The following ZFPM2 variants were observed in gnomAD, a reference collection of about 807,000 sequenced individuals.
ZFPM2 encodes zinc finger protein, FOG family member 2.
Under a neutral mutation model 98.6 loss-of-function variants are expected in ZFPM2, and 20 were observed. The observed-to-expected ratio is 0.20, with a 90% CI of 0.14 to 0.29. The LOEUF (loss-of-function observed/expected upper bound fraction) is 0.29. Ranked by LOEUF, ZFPM2 falls within the 10% of genes least tolerant of loss-of-function variation. The pLI is 1.00. For synonymous variants in ZFPM2, 518 were observed against 502.7 expected (o/e 1.03, Z -0.41); for missense variants, 1,310 against 1,388.6 (o/e 0.94, Z 0.90).
intron 5 of ZFPM2, among the ~76,000 whole-genome samples, chr8:105,756,421 C>G (rs1188541127): frequency 1.3e-5 from 2 of 152,150 alleles, no homozygotes; most frequent in Non-Finnish European, 2.9e-5. Flanking sequence ...TCCTGTTCCA[C>G]AGCACCAAAG....
At chr8:105,531,646 C>G (rs1586439955) in intron 3 of ZFPM2, among the ~76,000 whole-genome samples, 1 of 152,098 alleles carries the variant, frequency 6.6e-6, no homozygotes, top group East Asian at 1.9e-4. Flanking sequence ...TACAATTCAA[C>G]CTATAGTACC....
At chr8:105,655,726 G>A (rs1052275349) in intron 5 of ZFPM2, among the ~76,000 whole-genome samples, 1 of 152,162 alleles carries the variant, frequency 6.6e-6, no homozygotes, top group Non-Finnish European at 1.5e-5. Flanking sequence ...GTCTATGGAA[G>A]AGGAAGTCCA....
chr8:105,551,825 T>C (rs1259194598), intron 3 of ZFPM2, among the ~76,000 whole-genome samples: 1 of 152,166 alleles, frequency 6.6e-6, no homozygotes, highest in Non-Finnish European at 1.5e-5. Flanking sequence ...AACTATACAA[T>C]CTCATCATGT....
At position 105,471,808 on chromosome 8, in the gene ZFPM2, T is replaced by G. The variant is rs1264271012; in HGVS notation, c.301+27427T>G. Among the ~76,000 whole-genome samples, 6 of 152,310 alleles carry G rather than the reference T, an allele frequency of 3.9e-5. No homozygotes were observed. The East Asian group carries it at 1.2e-3, about 29-fold the overall frequency. Reference sequence around the variant, plus strand: ...TTATTAGAGCATAAGGTCTGCTTAATTATAACTCTATCAGAACACTATCAG... The same window carrying G: ...TTATTAGAGCATAAGGTCTGCTTAAGTATAACTCTATCAGAACACTATCAG... On this transcript the variant is annotated intron_variant, in intron 3 of 7. Transcript: ENST00000407775.
chr8:105,739,044 G>A (rs1812154423), intron 5 of ZFPM2, among the ~76,000 whole-genome samples: 1 of 151,966 alleles, frequency 6.6e-6, no homozygotes, highest in South Asian at 2.1e-4. Flanking sequence ...TTTATTGGCA[G>A]CAGGCACACT....
rs1363208093 is a variant in ZFPM2, at chr8:105,784,990, C to T, written c.533-3728C>T. 3 of 131,014 alleles carry T rather than the reference C, an allele frequency of 2.3e-5. 1 individual carries two copies. The highest frequency in any genetic ancestry group is 9.0e-5 in the African/African-American group (2 of 22,268). The allele number at this position is 131,014 out of a possible 1,614,324, so 8.1% of individuals were successfully genotyped here. Reference sequence around the variant, plus strand: ...TGCCATTCTTTTGATTTCCCTCTAACATTTAAATATAACCTCTTGGTACAT... The same window carrying T: ...TGCCATTCTTTTGATTTCCCTCTAATATTTAAATATAACCTCTTGGTACAT... On this transcript the variant is annotated intron_variant, in intron 5 of 7. Coordinates refer to ENST00000407775, the MANE Select transcript of ZFPM2 (RefSeq NM_012082.4).
chr8:105,673,187 C>CTTTTTTTTT (rs5893754), intron 5 of ZFPM2, among the ~76,000 whole-genome samples: 11 of 87,526 alleles, frequency 1.3e-4, no homozygotes, highest in South Asian at 4.7e-4. Context: ...AAATAGCATG[C>CTTTTTTTTT]TTTTTTTTTT....
chr8:105,579,759 T>C (rs901289353), intron 4 of ZFPM2, among the ~76,000 whole-genome samples: 4 of 152,172 alleles, frequency 2.6e-5, no homozygotes, highest in Non-Finnish European at 5.9e-5. Flanking sequence ...GGAACAAAAA[T>C]CAGTATTTCC....
At chr8:105,611,701 T>C in intron 4 of ZFPM2, among the ~76,000 whole-genome samples, 1 of 116,708 alleles carries the variant, frequency 8.6e-6, no homozygotes, top group East Asian at 2.1e-4. Context: ...CAAAAAAAAA[T>C]TTTTTTTTTT....
At chr8:105,389,537 A>G (rs1811068528) in intron 1 of ZFPM2, among the ~76,000 whole-genome samples, 1 of 152,326 alleles carries the variant, frequency 6.6e-6, no homozygotes, top group East Asian at 1.9e-4. Flanking sequence ...TCTCTTCAAA[A>G]TAACATTCTA....
intron 1 of ZFPM2, among the ~76,000 whole-genome samples, chr8:105,346,781 T>C (rs1002582850): frequency 3.9e-5 from 6 of 152,240 alleles, no homozygotes; most frequent in African/African-American, 1.4e-4. Flanking sequence ...TAAGGGGTTT[T>C]TTTTCATAGC....
chr8:105,328,393 A>T (rs752212695), intron 1 of ZFPM2, among the ~76,000 whole-genome samples: 1 of 151,528 alleles, frequency 6.6e-6, no homozygotes, highest in Non-Finnish European at 1.5e-5. Flanking sequence ...ATGCCAACAT[A>T]GAATGCTTAT....
chr8:105,565,285 A>G (rs1815220226), intron 4 of ZFPM2, among the ~76,000 whole-genome samples: 1 of 152,160 alleles, frequency 6.6e-6, no homozygotes, highest in African/African-American at 2.4e-5. Context: ...TTTGACAAAA[A>G]GTTGTTCTTG....
At chr8:105,493,462 A>G (rs1385395567) in intron 3 of ZFPM2, among the ~76,000 whole-genome samples, 1 of 152,186 alleles carries the variant, frequency 6.6e-6, no homozygotes, top group African/African-American at 2.4e-5. Flanking sequence ...GATTTAGACA[A>G]TCTTGTACCG....
chr8:105,526,495 T>A (rs1814175996), intron 3 of ZFPM2, among the ~76,000 whole-genome samples: 1 of 152,148 alleles, frequency 6.6e-6, no homozygotes, highest in South Asian at 2.1e-4. Context: ...TTTGAAATCA[T>A]TTTTTTCCTC....
chr8:105,561,499 G>A lies in ZFPM2; in HGVS notation c.420+18G>A, dbSNP rs1176831731. 3 of 1,566,576 alleles carry A rather than the reference G, an allele frequency of 1.9e-6. No individual in the cohort carries two copies. Among genetic ancestry groups the A allele is most frequent in the Non-Finnish European group, 2.6e-6 (3 of 1,146,220 alleles). On this transcript the variant is annotated intron_variant, in intron 4 of 7. Coordinates refer to ENST00000407775, the MANE Select transcript of ZFPM2 (RefSeq NM_012082.4). The stretch of plus-strand genomic sequence containing the variant: ...ATTCTTTGGTATGTGGATATTCCGA[G>A]ATGGTTAATATTTTGTCATCGACTG...
At chr8:105,647,347 C>A (rs1817067354) in intron 5 of ZFPM2, among the ~76,000 whole-genome samples, 1 of 152,068 alleles carries the variant, frequency 6.6e-6, no homozygotes, top group South Asian at 2.1e-4. Flanking sequence ...CAATCATTCA[C>A]TTCCTTAGTA....
chr8:105,321,733 C>T (rs1812029411), intron 1 of ZFPM2, among the ~76,000 whole-genome samples: 1 of 152,000 alleles, frequency 6.6e-6, no homozygotes, highest in South Asian at 2.1e-4. Flanking sequence ...TGAAAGAGCA[C>T]CATTAATTTG....
chr8:105,320,256 T>TTGTGTGTGTGTGTGTG (rs71305141), intron 1 of ZFPM2, among the ~76,000 whole-genome samples: 12 of 142,342 alleles, frequency 8.4e-5, no homozygotes, highest in East Asian at 6.2e-4. Context: ...ATTCAGATCT[T>TTGTGTGTGTGTGTGTG]TGTGTGTGTG....
Sources: allele counts gnomAD v4.1 joint callset (sites outside exome capture counted in the v4.1 genomes callset), GRCh38; gene constraint gnomAD v4.1.1; transcripts MANE v1.5; gene names NCBI Gene and HGNC (gene_info 2026-07-23, HGNC 2026-07-21).